The following MOB3B variants were observed in gnomAD, a reference collection of about 807,000 sequenced individuals.
MOB3B encodes the protein MOB kinase activator-like 2B.
In MOB3B, 7 loss-of-function variants were observed where a neutral mutation model predicts 18.7. The observed-to-expected ratio is 0.37, with a 90% CI of 0.21 to 0.70. The LOEUF (loss-of-function observed/expected upper bound fraction) is 0.70. MOB3B is among the 30% of genes least tolerant of loss of function. The probability of loss-of-function intolerance (pLI) is 0.52; values close to 1 mark genes in which losing one functional copy is unlikely to be tolerated. For synonymous variants in MOB3B, 111 were observed against 99.9 expected (o/e 1.11, Z -0.66); for missense variants, 253 against 281.3 (o/e 0.90, Z 0.72).
Position 27,442,950 on chromosome 9 carries a change from A to G in MOB3B, c.418+12183T>C, listed in dbSNP as rs116432884. ...ACAGCCCTGTGGGATAAGTGTTAGT[A>G]TCATTATTTTATATATCTGAAAAAT... On this transcript the variant is annotated intron_variant, in intron 2 of 3. Transcript: ENST00000262244. Among the ~76,000 whole-genome samples, 487 of 152,314 alleles carry G rather than the reference A, an allele frequency of 3.2e-3. 3 individuals carry two copies. Among genetic ancestry groups the G allele is most frequent in the African/African-American group, 0.011 (474 of 41,568 alleles).
At chr9:27,529,067 T>G (rs1820487952) in intron 1 of MOB3B, among the ~76,000 whole-genome samples, 1 of 152,050 alleles carries the variant, frequency 6.6e-6, no homozygotes, top group Admixed American at 6.5e-5. Context: ...GGACTTCCCC[T>G]ACGCTGCCCC....
chr9:27,348,122 G>T (rs552983627), intron 3 of MOB3B, among the ~76,000 whole-genome samples: 1 of 152,256 alleles, frequency 6.6e-6, no homozygotes, highest in African/African-American at 2.4e-5. Flanking sequence ...TTCAAGGAAG[G>T]GGAGGAAGAA....
chr9:27,502,102 C>T (rs954508864), intron 1 of MOB3B, among the ~76,000 whole-genome samples: 4 of 152,134 alleles, frequency 2.6e-5, no homozygotes, highest in South Asian at 2.1e-4. Flanking sequence ...ACAAATGTGA[C>T]AGATCTCCAG....
intron 2 of MOB3B, among the ~76,000 whole-genome samples, chr9:27,453,170 TA>T (rs1229298364): frequency 3.3e-5 from 5 of 151,434 alleles, no homozygotes; most frequent in East Asian, 1.9e-4. Context: ...TTCATTAATT[TA>T]AAAAAAAAGG....
chr9:27,509,304 G>C (rs1215443958), intron 1 of MOB3B, among the ~76,000 whole-genome samples: 3 of 152,140 alleles, frequency 2.0e-5, no homozygotes, highest in Non-Finnish European at 4.4e-5. Flanking sequence ...CAGGGAGAGA[G>C]AGGGAGGGAG....
At chr9:27,346,409 C>T (rs13298294) in intron 3 of MOB3B, among the ~76,000 whole-genome samples, 17,475 of 152,200 alleles carry the variant, frequency 0.11, 2,618 homozygotes, top group African/African-American at 0.35. Context: ...TGACATTGGA[C>T]AAGTTATTTC....
In MOB3B at chr9:27,361,924, G is replaced by A. The variant is rs74529886; in HGVS notation, c.419-2688C>T. ...CATGGAAGCTCACCAGATGCTGGGG[G>A]ACACAGGGACTTTCAGCTGTGCCAG... On this transcript the variant is annotated intron_variant, in intron 2 of 3. Coordinates refer to ENST00000262244, the MANE Select transcript of MOB3B (RefSeq NM_024761.5). Among the ~76,000 whole-genome samples the A allele has an allele frequency of 1.7e-3, 256 of 152,320 alleles. 1 individual carries two copies. The Middle Eastern group carries it at 0.02, about 12-fold the overall frequency.
At chr9:27,368,353 T>TACACACACACACACACAC (rs138287792) in intron 2 of MOB3B, among the ~76,000 whole-genome samples, 1 of 145,880 alleles carries the variant, frequency 6.9e-6, no homozygotes, top group Non-Finnish European at 1.5e-5. Flanking sequence ...CACACATACA[T>TACACACACACACACACAC]ACACACACAC....
Position 27,418,955 on chromosome 9 carries a change from T to G in MOB3B, c.418+36178A>C, listed in dbSNP as rs941396868. Among the ~76,000 whole-genome samples, 12 of 152,126 alleles carry G rather than the reference T, an allele frequency of 7.9e-5. No homozygotes were observed. In the South Asian group the frequency reaches 2.1e-3, roughly 26 times the overall value. The stretch of plus-strand genomic sequence containing the variant: ...ACTGATAAAAAAAAATTCAGCAACA[T>G]TTCTGGATACAAGATTAATGTACAC... On this transcript the variant is annotated intron_variant, in intron 2 of 3. Coordinates refer to ENST00000262244, the MANE Select transcript of MOB3B (RefSeq NM_024761.5).
At chr9:27,502,561 T>C (rs1820006375) in intron 1 of MOB3B, among the ~76,000 whole-genome samples, 1 of 152,222 alleles carries the variant, frequency 6.6e-6, no homozygotes, top group Admixed American at 6.5e-5. Context: ...TGAAGACTAA[T>C]GTCCTGAGAT....
intron 2 of MOB3B, among the ~76,000 whole-genome samples, chr9:27,450,179 C>T (rs1476254874): frequency 6.6e-6 from 1 of 152,182 alleles, no homozygotes; most frequent in East Asian, 1.9e-4. Flanking sequence ...CAACTATTTC[C>T]ACAATGCACT....
At chr9:27,399,584 A>G (rs937431564) in intron 2 of MOB3B, among the ~76,000 whole-genome samples, 9 of 152,246 alleles carry the variant, frequency 5.9e-5, no homozygotes, top group Non-Finnish European at 1.2e-4. Context: ...GTGGACCTTC[A>G]CTGATGGGGT....
At chr9:27,495,545 T>G (rs1328342901) in intron 1 of MOB3B, among the ~76,000 whole-genome samples, 1 of 152,024 alleles carries the variant, frequency 6.6e-6, no homozygotes, top group Non-Finnish European at 1.5e-5. Context: ...AAGGAACCCA[T>G]CCTGATGGCC....
At chr9:27,457,664 C>T (rs1365618465) in intron 1 of MOB3B, among the ~76,000 whole-genome samples, 2 of 151,912 alleles carry the variant, frequency 1.3e-5, no homozygotes, top group Non-Finnish European at 2.9e-5. Context: ...AACAGGTTTT[C>T]ACTGAAATGC....
chr9:27,403,516 A>ATTTTTTTT lies in MOB3B; in HGVS notation c.419-44288_419-44281dup, dbSNP rs74178385. Among the ~76,000 whole-genome samples the ATTTTTTTT allele has an allele frequency of 1.8e-4, 14 of 79,626 alleles. 1 individual carries two copies. Among genetic ancestry groups the ATTTTTTTT allele is most frequent in the South Asian group, 6.0e-4 (1 of 1,660 alleles). 52.2% of individuals were successfully genotyped at this position (79,626 alleles called of 152,430 possible). On this transcript the variant is annotated intron_variant, in intron 2 of 3. Coordinates refer to ENST00000262244, the MANE Select transcript of MOB3B (RefSeq NM_024761.5). ...TAATGCTTGGTCTGGCTCTTTACTA[A>ATTTTTTTT]TTTTTTTTTTTTTTTTTTTTTTTTT...
At chr9:27,412,401 C>G (rs530344732) in intron 2 of MOB3B, among the ~76,000 whole-genome samples, 1 of 152,072 alleles carries the variant, frequency 6.6e-6, no homozygotes, top group African/African-American at 2.4e-5. Context: ...CCCACCTTTC[C>G]GGATTCAAAA....
At chr9:27,433,466 T>C (rs1822446930) in intron 2 of MOB3B, among the ~76,000 whole-genome samples, 2 of 152,158 alleles carry the variant, frequency 1.3e-5, no homozygotes, top group African/African-American at 2.4e-5. Context: ...GCAAACTTAA[T>C]CATTTACTGT....
intron 2 of MOB3B, among the ~76,000 whole-genome samples, chr9:27,360,506 A>C (rs1034895804): frequency 1.3e-5 from 2 of 152,196 alleles, no homozygotes; most frequent in African/African-American, 4.8e-5. Context: ...CTCCGTCTCA[A>C]ACAAACAAAC....
Position 27,453,627 on chromosome 9 carries a change from C to T in MOB3B, c.418+1506G>A, listed in dbSNP as rs374659434. ...TGTACTATGACTTCTGGTCAGTACT[C>T]TCTGTGGTAGCCACAGTTGCAGAGA... On this transcript the variant is annotated intron_variant, in intron 2 of 3. Transcript: ENST00000262244. Among the ~76,000 whole-genome samples the T allele has an allele frequency of 2.0e-5, 3 of 152,222 alleles. No homozygotes were observed. The East Asian group carries it at 5.8e-4, about 29-fold the overall frequency.
Sources: gnomAD v4.1 joint callset for allele counts (sites outside exome capture counted in the v4.1 genomes callset) on GRCh38, gnomAD v4.1.1 for gene constraint, MANE v1.5 for transcripts, NCBI Gene and HGNC (gene_info 2026-07-23, HGNC 2026-07-21) for gene names.